The following NCOA4 variants were observed in gnomAD, a reference collection of about 807,000 sequenced individuals.
NCOA4 encodes the protein 70 kDa AR-activator.
NCOA4 carries 31 observed loss-of-function variants against 69.5 expected under a neutral mutation model. The ratio of observed to expected loss-of-function variants is 0.45; its 90% CI spans 0.34 to 0.60. The LOEUF is 0.60. NCOA4 is among the 20% of genes least tolerant of loss of function. The pLI is 0.02. For synonymous variants in NCOA4, 228 were observed against 252.4 expected (o/e 0.90, Z 0.92); for missense variants, 600 against 719.2 (o/e 0.83, Z 1.90).
chr10:46,015,162 C>T lies in NCOA4; in HGVS notation c.246G>A (p.Glu82=), dbSNP rs1399894291. The T allele has an allele frequency of 4.3e-6, 7 of 1,614,052 alleles. No individual in the cohort carries two copies. The African/African-American group carries it at 8.0e-5, about 18-fold the overall frequency. ...GCTGAGCCTGCTGTTGAAGTGTCTC[C>T]TCTTTAAGCTGATAAATAAGGTCCA... The part of the protein sequence containing the change: ...EQVDLIYQLK[E]ETLQQQAQQL... The change falls in exon 3 of 10, where the codon GAG becomes GAA. Residue 82 remains glutamate, a synonymous_variant. Coordinates refer to ENST00000581486, the MANE Select transcript of NCOA4 (RefSeq NM_001145263.2).
intron 8 of NCOA4, 103 bp downstream of exon 8, chr10:46,010,120 A>G (rs2132318717): frequency 2.2e-6 from 3 of 1,384,842 alleles, no homozygotes; most frequent in Non-Finnish European, 2.9e-6. Context: ...ATGAGCTGAG[A>G]TCGCACCACT....
intron 1 of NCOA4, chr10:46,022,292 A>C (rs1839915291): frequency 5.1e-6 from 2 of 393,636 alleles, no homozygotes; most frequent in Non-Finnish European, 1.0e-5. Flanking sequence ...TGAGTACTAC[A>C]CTCGAAATAC....
intron 9 of NCOA4, chr10:46,009,141 A>T: frequency 6.5e-7 from 1 of 1,548,510 alleles, no homozygotes. Flanking sequence ...GTAGGTATAT[A>T]AACTACTAGA....
At position 46,025,962 on chromosome 10, in the gene NCOA4, C is replaced by T. The variant is rs1466088443; in HGVS notation, c.-15+4564G>A. ...ACCAACCGTTCACATTCTATGTGTG[C>T]CACTGAATCGACATAAAGAGAAAAT... On this transcript the variant is annotated intron_variant, in intron 1 of 9. Coordinates refer to ENST00000581486, the MANE Select transcript of NCOA4 (RefSeq NM_001145263.2). Among the ~76,000 whole-genome samples, 9 of 152,174 alleles carry T rather than the reference C, an allele frequency of 5.9e-5. 1 individual carries two copies. The highest frequency in any genetic ancestry group is 5.9e-4 in the Admixed American group (9 of 15,282).
Position 46,006,153 on chromosome 10 carries a change from CAA to C in NCOA4, c.*437_*438del, listed in dbSNP as rs1181592949. On this transcript the variant is annotated 3_prime_UTR_variant, in exon 10 of 10. Coordinates refer to ENST00000581486, the MANE Select transcript of NCOA4 (RefSeq NM_001145263.2). The stretch of plus-strand genomic sequence containing the variant: ...GAAAATAATTATTTCAGACCACTAA[CAA>C]AAGAAAACCCACAGCAAGAGAAGCA... The C allele has an allele frequency of 2.2e-5, 5 of 231,374 alleles. No individual in the cohort carries two copies. The Admixed American group carries it at 2.2e-4, about 10-fold the overall frequency. The allele number at this position is 231,374 out of a possible 1,614,324, so 14.3% of individuals were successfully genotyped here. A position where few individuals can be genotyped will look rare whatever the true frequency, so the allele number is the denominator to read the frequency against.
intron 1 of NCOA4, chr10:46,022,302 C>T: frequency 2.5e-6 from 1 of 399,782 alleles, no homozygotes; most frequent in Non-Finnish European, 5.1e-6. Context: ...ACTCGAAATA[C>T]TAACTGAACA....
chr10:46,014,966 A>G (rs1238821601), intron 3 of NCOA4, 24 bp from the exon 4 acceptor site: 1 of 1,604,762 alleles, frequency 6.2e-7, no homozygotes, highest in Non-Finnish European at 8.5e-7. Flanking sequence ...GAAACCAACT[A>G]GCCACAATGA....
chr10:46,013,733 C>A (rs1839368086), intron 5 of NCOA4, 94 bp from the exon 6 acceptor site: 2 of 820,730 alleles, frequency 2.4e-6, no homozygotes, highest in Non-Finnish European at 3.9e-6. Context: ...TAAAGCATTA[C>A]CATTTCATTA....
Position 46,006,208 on chromosome 10 carries a change from G to A in NCOA4, c.*384C>T, listed in dbSNP as rs1324342535. On this transcript the variant is annotated 3_prime_UTR_variant, in exon 10 of 10. Coordinates refer to ENST00000581486, the MANE Select transcript of NCOA4 (RefSeq NM_001145263.2). ...TGTAGGGCAATTAAACGTTAGGGAA[G>A]TTTACTAGCTTTAGAATACATCAAT... is the stretch of plus-strand genomic sequence containing the variant. 1 of 256,186 alleles carries A rather than the reference G, an allele frequency of 3.9e-6. No homozygotes were observed. The highest frequency in any genetic ancestry group is 5.1e-5 in the Admixed American group (1 of 19,624). The allele number at this position is 256,186 out of a possible 1,614,324, so 15.9% of individuals were successfully genotyped here.
At chr10:46,015,045 T>C in intron 3 of NCOA4, 81 bp downstream of exon 3, 1 of 1,598,718 alleles carries the variant, frequency 6.3e-7, no homozygotes, top group Non-Finnish European at 8.6e-7. Flanking sequence ...CTGATCTATA[T>C]TAACACTGCA....
Position 46,010,795 on chromosome 10 carries a change from T to G in NCOA4, c.1126A>C (p.Lys376Gln). 1 of 1,613,970 alleles carries G rather than the reference T, an allele frequency of 6.2e-7. No homozygotes were observed. The highest frequency in any genetic ancestry group is 1.1e-5 in the South Asian group (1 of 91,078). The change falls in exon 8 of 10, where the codon AAG (lysine) becomes CAG (glutamine). Residue 376 changes from lysine (K) to glutamine (Q), a missense_variant. Coordinates refer to ENST00000581486, the MANE Select transcript of NCOA4 (RefSeq NM_001145263.2). Reference protein sequence around the residue: ...LKCLNDHLEAKKPLSTPSMVT... With the variant: ...LKCLNDHLEAQKPLSTPSMVT... ...ATGCTGGGGGTGGACAATGGTTTCTTGGCCTCCAAGTGGTCATTCAGGCAC... is the reference window on the plus strand; with the variant it reads ...ATGCTGGGGGTGGACAATGGTTTCTGGGCCTCCAAGTGGTCATTCAGGCAC...
In NCOA4 at chr10:46,011,134, T is replaced by C; in HGVS notation, c.787A>G (p.Lys263Glu). The C allele has an allele frequency of 6.2e-7, 1 of 1,613,170 alleles. No homozygotes were observed. Among genetic ancestry groups the C allele is most frequent in the Non-Finnish European group, 8.5e-7 (1 of 1,179,624 alleles). The change falls in exon 8 of 10, where the codon AAG becomes GAG. Residue 263 changes from lysine (K) to glutamate (E), a missense_variant. Physicochemically the swap from Lys to Glu is moderately conservative, Grantham distance 56. Coordinates refer to ENST00000581486, the MANE Select transcript of NCOA4 (RefSeq NM_001145263.2). ...NLKGLENWLL[K>E]SEKSSYQKCN... ...TTTTGATAACTTGATTTTTCACTCT[T>C]GAGGAGCCAGTTTTCTAAGCCCTTT...
intron 1 of NCOA4, among the ~76,000 whole-genome samples, chr10:46,018,367 C>T (rs1007929988): frequency 6.6e-6 from 1 of 152,082 alleles, no homozygotes; most frequent in Non-Finnish European, 1.5e-5. Flanking sequence ...AATTTTTAAC[C>T]GAAAGTAAAT....
Position 46,006,555 on chromosome 10 carries a change from A to G in NCOA4, c.*37T>C. On this transcript the variant is annotated 3_prime_UTR_variant, in exon 10 of 10. Transcript: ENST00000581486. The stretch of plus-strand genomic sequence containing the variant: ...AGTCACTCAGCTCATGATGTGTGAT[A>G]ATCAGCAGAAAGGCTGCTCAACTCT... 1 of 1,612,288 alleles carries G rather than the reference A, an allele frequency of 6.2e-7. No homozygotes were observed. The highest frequency in any genetic ancestry group is 8.5e-7 in the Non-Finnish European group (1 of 1,178,660).
At position 46,010,568 on chromosome 10, in the gene NCOA4, C is replaced by T. The variant is rs782728414; in HGVS notation, c.1353G>A (p.Glu451=). ...GMPVEPKPEP[E]KHKDSLNMWL... Reference sequence around the variant, plus strand: ...ACATATTCAGGGAATCTTTATGCTTCTCAGGCTCAGGTTTGGGTTCCACAG... The same window carrying T: ...ACATATTCAGGGAATCTTTATGCTTTTCAGGCTCAGGTTTGGGTTCCACAG... Residue 451 remains glutamate, a synonymous_variant, in exon 8 of 10, where the codon GAG becomes GAA. Coordinates refer to ENST00000581486, the MANE Select transcript of NCOA4 (RefSeq NM_001145263.2). The T allele has an allele frequency of 1.9e-6, 3 of 1,614,174 alleles. No individual in the cohort carries two copies. In the South Asian group the frequency reaches 3.3e-5, roughly 18 times the overall value.
chr10:46,013,484 T>C, intron 6 of NCOA4, 66 bp downstream of exon 6: 2 of 1,191,066 alleles, frequency 1.7e-6, no homozygotes, highest in Non-Finnish European at 1.2e-6. Context: ...TTTAATGCTA[T>C]ATAAAACCCA....
At chr10:46,013,669 A>T in intron 5 of NCOA4, 30 bp from the exon 6 acceptor site, 1 of 1,488,056 alleles carries the variant, frequency 6.7e-7, no homozygotes, top group Admixed American at 1.8e-5. Context: ...TAATCATGTT[A>T]TTTATGCTAT....
intron 1 of NCOA4, chr10:46,023,455 G>C (rs1286817766): frequency 1.0e-6 from 1 of 985,578 alleles, no homozygotes; most frequent in Non-Finnish European, 1.2e-6. Context: ...GGCAACTCCA[G>C]TTCGCCCGGG....
intron 2 of NCOA4, among the ~76,000 whole-genome samples, chr10:46,016,314 A>G (rs1224194012): frequency 6.6e-6 from 1 of 151,658 alleles, no homozygotes; most frequent in Non-Finnish European, 1.5e-5. Flanking sequence ...AGCTGAATAG[A>G]ATTTTCTAGA....
Sources: allele counts gnomAD v4.1 joint callset (sites outside exome capture counted in the v4.1 genomes callset), GRCh38; gene constraint gnomAD v4.1.1; transcripts MANE v1.5; gene names NCBI Gene and HGNC (gene_info 2026-07-23, HGNC 2026-07-21).